The following OTOG variants were observed in gnomAD, a reference collection of about 807,000 sequenced individuals.
OTOG encodes the protein otogelin.
OTOG carries 296 observed loss-of-function variants against 313.8 expected under a neutral mutation model. The observed-to-expected ratio is 0.94, with a 90% CI of 0.86 to 1.04. OTOG has a LOEUF of 1.04. OTOG is among the 50% of genes least tolerant of loss of function. OTOG has a pLI of 0.00. For synonymous variants in OTOG, 1,533 were observed against 1,554.9 expected (o/e 0.99, Z 0.33); for missense variants, 3,948 against 3,840.1 (o/e 1.03, Z -0.74).
chr11:17,627,553 T>C (rs1198833503), intron 39 of OTOG, among the ~76,000 whole-genome samples: 1 of 152,184 alleles, frequency 6.6e-6, no homozygotes, highest in African/African-American at 2.4e-5. Flanking sequence ...CTTGCAGTCT[T>C]TTTTTGATAT....
chr11:17,556,821 C>T (rs1050485947), intron 7 of OTOG, among the ~76,000 whole-genome samples: 3 of 152,012 alleles, frequency 2.0e-5, no homozygotes, highest in East Asian at 3.8e-4. Context: ...CTGCTCCCCA[C>T]CAAAAAAATA....
At chr11:17,567,777 T>A (rs1852318293) in intron 15 of OTOG, among the ~76,000 whole-genome samples, 1 of 152,182 alleles carries the variant, frequency 6.6e-6, no homozygotes, top group African/African-American at 2.4e-5. Context: ...GATGTCTCCT[T>A]CTTCTTCTTC....
At chr11:17,570,077 C>T in intron 16 of OTOG, 136 bp from the exon 17 acceptor site, 1 of 748,568 alleles carries the variant, frequency 1.3e-6, no homozygotes, top group East Asian at 2.7e-5. Flanking sequence ...TCATGGCAGG[C>T]ACGCAGGCAG....
rs999316257 is a variant in OTOG at position 17,558,117 on chromosome 11, A to G, written c.866-68A>G. 3.3e-6 allele frequency: 5 copies of G among 1,525,994 alleles called. No individual in the cohort carries two copies. The African/African-American group carries it at 5.5e-5, about 17-fold the overall frequency. 94.5% of individuals were successfully genotyped at this position (1,525,994 alleles called of 1,614,324 possible). ...TCCCTTGGGATCCGCTTTCCCTCAG[A>G]GCCTTCTGTCCCTCCCATCCACCCA... On this transcript the variant is annotated intron_variant, in intron 8 of 55. Transcript: ENST00000399397.
At chr11:17,598,135 G>GT (rs1853157937) in intron 30 of OTOG, among the ~76,000 whole-genome samples, 1 of 152,206 alleles carries the variant, frequency 6.6e-6, no homozygotes, top group African/African-American at 2.4e-5. Flanking sequence ...GCCAGGCCTT[G>GT]TGCCTATGTG....
At chr11:17,640,201 G>C (rs1258374351) in intron 49 of OTOG, among the ~76,000 whole-genome samples, 1 of 152,078 alleles carries the variant, frequency 6.6e-6, no homozygotes, top group South Asian at 2.1e-4. Context: ...AACCCTGTGA[G>C]GTTGTTTCTG....
chr11:17,617,143 T>G (rs1328298627), intron 39 of OTOG, among the ~76,000 whole-genome samples: 1 of 152,238 alleles, frequency 6.6e-6, no homozygotes, highest in Non-Finnish European at 1.5e-5. Flanking sequence ...ACATTATTAA[T>G]TTGATGAATT....
chr11:17,576,326 G>A (rs939535729), intron 20 of OTOG, among the ~76,000 whole-genome samples: 4 of 152,322 alleles, frequency 2.6e-5, no homozygotes, highest in South Asian at 4.1e-4. Flanking sequence ...GTGACTCCTT[G>A]TCTAAGCTTG....
At chr11:17,615,507 A>G (rs1853697491) in intron 39 of OTOG, among the ~76,000 whole-genome samples, 1 of 152,198 alleles carries the variant, frequency 6.6e-6, no homozygotes. Flanking sequence ...GTTGCATTTT[A>G]GGTTAATTTT....
intron 3 of OTOG, 133 bp downstream of exon 3, chr11:17,548,345 G>A (rs766481405): frequency 4.7e-6 from 3 of 634,098 alleles, no homozygotes; most frequent in Non-Finnish European, 7.6e-6. Context: ...CAGATTCCTG[G>A]TATGTGTCTG....
intron 39 of OTOG, among the ~76,000 whole-genome samples, chr11:17,619,315 A>G (rs1565121701): frequency 6.6e-6 from 1 of 152,146 alleles, no homozygotes; most frequent in Non-Finnish European, 1.5e-5. Flanking sequence ...TGCAGGGGGT[A>G]AATAGTTGAG....
intron 39 of OTOG, among the ~76,000 whole-genome samples, chr11:17,623,160 T>C (rs1394310906): frequency 6.6e-6 from 1 of 152,192 alleles, no homozygotes; most frequent in South Asian, 2.1e-4. Flanking sequence ...ATTTTATAAC[T>C]TTTAAGTTCA....
In OTOG at chr11:17,563,696, T is replaced by C. The variant is rs72870363; in HGVS notation, c.1644+1889T>C. 2.4e-3 allele frequency among the ~76,000 whole-genome samples: 372 copies of C among 151,856 alleles called. 1 individual carries two copies. Among genetic ancestry groups the C allele is most frequent in the Non-Finnish European group, 3.0e-3 (207 of 67,958 alleles). ...TTACTCAGAATCCCCCCCTTTTTTTTTGGAGACAGGATCTCACTCTGTTAC... is the reference window on the plus strand; with the variant it reads ...TTACTCAGAATCCCCCCCTTTTTTTCTGGAGACAGGATCTCACTCTGTTAC... On this transcript the variant is annotated intron_variant, in intron 15 of 55. Transcript: ENST00000399397.
Position 17,569,245 on chromosome 11 carries a change from C to A in OTOG, c.1734C>A (p.Val578=). Residue 578 remains valine, a synonymous_variant, in exon 16 of 56, where the codon GTC becomes GTA. Coordinates refer to ENST00000399397, the MANE Select transcript of OTOG (RefSeq NM_001292063.2). ...RQVTLTQAGD[V]LLFDQYKIIP... ...TGACCCTGACCCAGGCAGGGGATGTCCTTCTGTTTGACCAGTACAAGATCA... is the reference window on the plus strand; with the variant it reads ...TGACCCTGACCCAGGCAGGGGATGTACTTCTGTTTGACCAGTACAAGATCA... 6.4e-7 allele frequency: 1 copy of A among 1,550,574 alleles called. No individual in the cohort carries two copies. Among genetic ancestry groups the A allele is most frequent in the Non-Finnish European group, 8.7e-7 (1 of 1,147,002 alleles).
At position 17,560,725 on chromosome 11, in the gene OTOG, TG is replaced by T. The variant is rs1483568558; in HGVS notation, c.1364del (p.Gly455AlafsTer23). 5.8e-6 allele frequency: 9 copies of T among 1,550,432 alleles called. No homozygotes were observed. Among genetic ancestry groups the T allele is most frequent in the African/African-American group, 1.4e-5 (1 of 73,016 alleles). ...YCPNGLIFED[G>X]GCVAPAECPC... The stretch of plus-strand genomic sequence containing the variant: ...TCACTCTAGGGCTCATCTTCGAGGA[TG>T]GGGGCTGCGTGGCACCAGCTGAGTG... On this transcript the variant is annotated frameshift_variant, in exon 13 of 56. Transcript: ENST00000399397. LOFTEE classifies it high-confidence loss of function.
chr11:17,603,305 G>A (rs975309245), intron 32 of OTOG, among the ~76,000 whole-genome samples: 2 of 152,136 alleles, frequency 1.3e-5, no homozygotes, highest in Non-Finnish European at 2.9e-5. Flanking sequence ...AAACATTTCT[G>A]ATCCCCAGAT....
chr11:17,602,123 C>A, intron 31 of OTOG, 87 bp from the exon 32 acceptor site: 10 of 1,458,328 alleles, frequency 6.9e-6, no homozygotes, highest in Non-Finnish European at 9.2e-6. Context: ...TGCCCTCCCA[C>A]CCCACTGCTG....
intron 24 of OTOG, among the ~76,000 whole-genome samples, chr11:17,588,652 C>T (rs1852862036): frequency 6.6e-6 from 1 of 152,118 alleles, no homozygotes; most frequent in Non-Finnish European, 1.5e-5. Flanking sequence ...GCACTGAGCT[C>T]TGTGACTCTT....
At chr11:17,617,385 T>C (rs1853746551) in intron 39 of OTOG, among the ~76,000 whole-genome samples, 1 of 152,210 alleles carries the variant, frequency 6.6e-6, no homozygotes, top group Non-Finnish European at 1.5e-5. Flanking sequence ...GACTTGGTAA[T>C]ATTTATTCCT....
Sources: gnomAD v4.1 joint callset for allele counts (sites outside exome capture counted in the v4.1 genomes callset) on GRCh38, gnomAD v4.1.1 for gene constraint, MANE v1.5 for transcripts, NCBI Gene and HGNC (gene_info 2026-07-23, HGNC 2026-07-21) for gene names.